PRKAR1B: variants seen among roughly 807,000 people sequenced by gnomAD.
PRKAR1B encodes cAMP-dependent protein kinase type I-beta regulatory subunit.
Under a neutral mutation model 46.5 loss-of-function variants are expected in PRKAR1B, and 22 were observed. The ratio of observed to expected loss-of-function variants is 0.47; its 90% CI spans 0.34 to 0.68. The LOEUF (loss-of-function observed/expected upper bound fraction) is 0.68. Among genes scored for constraint, PRKAR1B ranks in the 30% least tolerant of loss-of-function variants. The pLI is 0.01. For missense variants in PRKAR1B, 445 were observed against 535.6 expected (o/e 0.83, Z 1.67); for synonymous variants, 259 against 217.7 (o/e 1.19, Z -1.67).
Position 727,018 on chromosome 7 carries a change from C to T in PRKAR1B, c.-23+192G>A, listed in dbSNP as rs1583467930. ...CTGCCGCGCGCTGGCAGTGCACCTGCTGGATCTGGGCCTGCGCCGCGCCGC... is the reference window on the plus strand; with the variant it reads ...CTGCCGCGCGCTGGCAGTGCACCTGTTGGATCTGGGCCTGCGCCGCGCCGC... On this transcript the variant is annotated intron_variant, in intron 1 of 10. Transcript: ENST00000537384. 10 of 1,215,534 alleles carry T rather than the reference C, an allele frequency of 8.2e-6. No individual in the cohort carries two copies. The East Asian group carries it at 3.9e-4, about 47-fold the overall frequency. 75.3% of individuals were successfully genotyped at this position (1,215,534 alleles called of 1,614,324 possible). A position where few individuals can be genotyped will look rare whatever the true frequency, so the allele number is the denominator to read the frequency against.
chr7:614,550 G>A (rs561427343), intron 4 of PRKAR1B, among the ~76,000 whole-genome samples: 1 of 152,180 alleles, frequency 6.6e-6, no homozygotes, highest in African/African-American at 2.4e-5. Flanking sequence ...AAGGATCGCT[G>A]GGCCCAGGAG....
At chr7:573,907 G>A (rs1190373250) in intron 9 of PRKAR1B, among the ~76,000 whole-genome samples, 2 of 152,214 alleles carry the variant, frequency 1.3e-5, no homozygotes, top group Non-Finnish European at 2.9e-5. Context: ...TGGAGGGCGT[G>A]GCTGGCAGAA....
At chr7:717,552 G>A (rs1780924605) in intron 1 of PRKAR1B, among the ~76,000 whole-genome samples, 1 of 151,966 alleles carries the variant, frequency 6.6e-6, no homozygotes, top group African/African-American at 2.4e-5. Flanking sequence ...CAGCTATTCA[G>A]GAGGCTAAGG....
chr7:634,094 C>T (rs924926768), intron 4 of PRKAR1B, among the ~76,000 whole-genome samples: 2 of 152,112 alleles, frequency 1.3e-5, no homozygotes, highest in African/African-American at 2.4e-5. Flanking sequence ...GTGATCTCAG[C>T]TCACTGCAAC....
Position 714,069 on chromosome 7 carries a change from G to A in PRKAR1B, c.-22-2542C>T, listed in dbSNP as rs534926105. ...CCAGCAGTACCATCACGTGCTCCCC[G>A]CGGCCCCTCCACTCCCTCCTCCTCC... On this transcript the variant is annotated intron_variant, in intron 1 of 10. Coordinates refer to ENST00000537384, the MANE Select transcript of PRKAR1B (RefSeq NM_001164760.2). This position sits in a 1 kb window ranked among gnomAD's most constrained non-coding sequence, Gnocchi z 4.3. 1.3e-5 allele frequency among the ~76,000 whole-genome samples: 2 copies of A among 152,086 alleles called. No individual in the cohort carries two copies. Among genetic ancestry groups the A allele is most frequent in the East Asian group, 1.9e-4 (1 of 5,192 alleles).
chr7:574,008 C>T (rs930527069), intron 9 of PRKAR1B, among the ~76,000 whole-genome samples: 20 of 152,236 alleles, frequency 1.3e-4, no homozygotes, highest in African/African-American at 4.1e-4. Flanking sequence ...GAACACGCCG[C>T]GCGACTCGGT....
intron 4 of PRKAR1B, among the ~76,000 whole-genome samples, chr7:652,288 T>A (rs1490458414): frequency 1.4e-5 from 2 of 145,556 alleles, no homozygotes; most frequent in Non-Finnish European, 3.0e-5. Context: ...GGAAGACAGT[T>A]CACACCCACG....
chr7:584,928 C>T (rs1306720632), intron 7 of PRKAR1B, among the ~76,000 whole-genome samples: 1 of 152,118 alleles, frequency 6.6e-6, no homozygotes, highest in African/African-American at 2.4e-5. Flanking sequence ...CTCATAAACA[C>T]ATCTGGAGAA....
chr7:649,056 C>T (rs766252833), intron 4 of PRKAR1B, among the ~76,000 whole-genome samples: 6 of 151,822 alleles, frequency 4.0e-5, no homozygotes, highest in African/African-American at 1.2e-4. Context: ...CTCAGCTACT[C>T]GGGAGGCTGA....
At chr7:574,054 C>T (rs1462384861) in intron 9 of PRKAR1B, among the ~76,000 whole-genome samples, 2 of 152,250 alleles carry the variant, frequency 1.3e-5, no homozygotes, top group East Asian at 1.9e-4. Context: ...GAGAACACCG[C>T]GCGTGCGGCC....
In PRKAR1B at chr7:665,426, G is replaced by A. The variant is rs553720117; in HGVS notation, c.440+11803C>T. Among the ~76,000 whole-genome samples the A allele has an allele frequency of 4.1e-4, 62 of 152,256 alleles. 1 individual carries two copies. The highest frequency in any genetic ancestry group is 2.9e-3 in the South Asian group (14 of 4,818). The stretch of plus-strand genomic sequence containing the variant: ...GGAGCTCTAGAAAGACAACATGCCC[G>A]AGGCCCATGGCCCAGGGACTGGCCA... On this transcript the variant is annotated intron_variant, in intron 4 of 10. Transcript: ENST00000537384.
At chr7:687,488 C>A (rs1256090176) in intron 2 of PRKAR1B, among the ~76,000 whole-genome samples, 1 of 152,112 alleles carries the variant, frequency 6.6e-6, no homozygotes, top group Admixed American at 6.5e-5. Flanking sequence ...AAATTAATAA[C>A]CTGGAAAATA....
intron 3 of PRKAR1B, 23 bp from the exon 4 acceptor site, chr7:677,343 C>T: frequency 6.2e-7 from 1 of 1,607,972 alleles, no homozygotes; most frequent in Non-Finnish European, 8.5e-7. Flanking sequence ...CAACACATCA[C>T]CGTGTGAGCC....
chr7:586,260 A>G (rs1583251802), intron 7 of PRKAR1B, among the ~76,000 whole-genome samples: 1 of 152,146 alleles, frequency 6.6e-6, no homozygotes, highest in African/African-American at 2.4e-5. Context: ...GCCGGCCCCC[A>G]ATGATCCTCA....
At chr7:711,197 C>A in intron 2 of PRKAR1B, 132 bp downstream of exon 2, 1 of 1,287,904 alleles carries the variant, frequency 7.8e-7, no homozygotes, top group Non-Finnish European at 1.1e-6. Flanking sequence ...CTGGAAGGAC[C>A]TGCAGGACGG....
intron 4 of PRKAR1B, among the ~76,000 whole-genome samples, chr7:628,556 G>GCAGGGGCTCGATGGGAC (rs1297765871): frequency 2.0e-5 from 3 of 152,244 alleles, no homozygotes; most frequent in Non-Finnish European, 4.4e-5. Flanking sequence ...GCAAAGGCCG[G>GCAGGGGCTCGATGGGAC]CAGGGGCTCG....
At chr7:693,106 T>C (rs760997948) in intron 2 of PRKAR1B, among the ~76,000 whole-genome samples, 28 of 151,948 alleles carry the variant, frequency 1.8e-4, no homozygotes, top group Non-Finnish European at 3.2e-4. Context: ...AGCTAATTTT[T>C]GTATTTTTAT....
intron 4 of PRKAR1B, among the ~76,000 whole-genome samples, chr7:640,815 A>ACAC (rs1784352010): frequency 7.5e-6 from 1 of 133,164 alleles, no homozygotes; most frequent in Non-Finnish European, 1.6e-5. Context: ...CACAGACACA[A>ACAC]ATGAAATACC....
At chr7:579,441 C>T in intron 8 of PRKAR1B, 64 bp from the exon 9 acceptor site, 1 of 1,595,532 alleles carries the variant, frequency 6.3e-7, no homozygotes, top group Admixed American at 1.7e-5. Flanking sequence ...CAGTCCAAGA[C>T]AAGGGCCACC....
Sources: gnomAD v4.1 joint callset for allele counts (sites outside exome capture counted in the v4.1 genomes callset) on GRCh38, gnomAD v4.1.1 for gene constraint, Gnocchi (gnomAD v3.1) non-coding constraint, MANE v1.5 for transcripts, NCBI Gene and HGNC (gene_info 2026-07-23, HGNC 2026-07-21) for gene names.